Variants in SIRPA observed in about 807,000 individuals in gnomAD.
SIRPA encodes the protein signal regulatory protein alpha.
A neutral mutation model predicts 50.3 loss-of-function variants in SIRPA; 9 were observed. The ratio of observed to expected loss-of-function variants is 0.18; its 90% CI spans 0.11 to 0.31. SIRPA has a LOEUF of 0.31. SIRPA is among the 10% of genes least tolerant of loss of function. The pLI is 1.00. For missense variants in SIRPA, 474 were observed against 661.6 expected (o/e 0.72, Z 3.11); for synonymous variants, 265 against 284.1 (o/e 0.93, Z 0.68).
intron 1 of SIRPA, among the ~76,000 whole-genome samples, chr20:1,901,554 A>T (rs1310913710): frequency 6.6e-6 from 1 of 152,086 alleles, no homozygotes; most frequent in Non-Finnish European, 1.5e-5. Context: ...CCCATACTAG[A>T]GAAGGAAGCA....
chr20:1,915,927 A>G (rs1193167678), intron 2 of SIRPA, among the ~76,000 whole-genome samples: 2 of 152,238 alleles, frequency 1.3e-5, no homozygotes, highest in Non-Finnish European at 2.9e-5. Flanking sequence ...CACCCAGGGC[A>G]GGGAGCAGAG....
upstream of SIRPA, among the ~76,000 whole-genome samples, chr20:1,894,961 G>A (rs1983674973): frequency 1.4e-5 from 2 of 147,392 alleles, no homozygotes. The surrounding 1 kb of genome is among the most constrained non-coding windows in gnomAD (Gnocchi z 4.0). Flanking sequence ...AGCCCGGGCG[G>A]GGCAGGTGGG....
intron 1 of SIRPA, among the ~76,000 whole-genome samples, chr20:1,912,526 TG>T (rs1296914181): frequency 2.6e-4 from 40 of 152,252 alleles, no homozygotes; most frequent in Admixed American, 2.6e-3. Flanking sequence ...GGCAGGAGGT[TG>T]GAAACAGTCC....
At chr20:1,909,459 C>A (rs1984752574) in intron 1 of SIRPA, among the ~76,000 whole-genome samples, 1 of 152,162 alleles carries the variant, frequency 6.6e-6, no homozygotes, top group Admixed American at 6.5e-5. Flanking sequence ...AGCTTCAGTT[C>A]TAAGTTGATT....
chr20:1,903,521 A>G (rs759368268), intron 1 of SIRPA, among the ~76,000 whole-genome samples: 6 of 152,176 alleles, frequency 3.9e-5, no homozygotes, highest in African/African-American at 4.8e-5. Context: ...GAGTGAATCA[A>G]GTCATCTTTG....
At chr20:1,899,752 T>G (rs1033585004) in intron 1 of SIRPA, among the ~76,000 whole-genome samples, 1 of 152,190 alleles carries the variant, frequency 6.6e-6, no homozygotes, top group Non-Finnish European at 1.5e-5. Flanking sequence ...TGGGTGTTGA[T>G]CTGAGCCCTG....
rs1363734219 is a variant in SIRPA at position 1,895,480 on chromosome 20, C to G, written c.33C>G (p.Leu11=). Reference sequence around the variant, plus strand: ...CCGCCGGCCCGGCCCCCGGCCGCCTCGGGCCGCTGCTCTGCCTGCTGCTCG... The same window carrying G: ...CCGCCGGCCCGGCCCCCGGCCGCCTGGGGCCGCTGCTCTGCCTGCTGCTCG... MEPAGPAPGR[L]GPLLCLLLAA... is the part of the protein sequence containing the mutation. Residue 11 remains leucine, a synonymous_variant, in exon 1 of 8, where the codon CTC becomes CTG. Coordinates refer to ENST00000358771, the MANE Select transcript of SIRPA (RefSeq NM_001040023.2). 1.5e-5 allele frequency: 21 copies of G among 1,441,096 alleles called. 1 individual carries two copies. Among genetic ancestry groups the G allele is most frequent in the Non-Finnish European group, 9.1e-7 (1 of 1,102,480 alleles). 89.3% of individuals were successfully genotyped at this position (1,441,096 alleles called of 1,614,324 possible).
At position 1,922,567 on chromosome 20, in the gene SIRPA, G is replaced by A. The variant is rs756656814; in HGVS notation, c.1009G>A (p.Gly337Arg). 1.3e-5 allele frequency: 21 copies of A among 1,614,202 alleles called. No individual in the cohort carries two copies. The highest frequency in any genetic ancestry group is 4.0e-5 in the African/African-American group (3 of 75,068). The change falls in exon 4 of 8, where the codon GGG becomes AGG. Residue 337 changes from glycine to arginine, a missense_variant. Gly to Arg is a moderately radical substitution (Grantham distance 125). This residue lies in a region of SIRPA where 221 missense variants were observed against 359.9 expected (regional missense o/e 0.61). Transcript: ENST00000358771. ...GCTCACCTGCCAGGTGGAGCATGAC[G>A]GGCAGCCAGCGGTCAGCAAAAGCCA... Reference protein sequence around the residue: ...VKLTCQVEHDGQPAVSKSHDL... With the variant: ...VKLTCQVEHDRQPAVSKSHDL...
At position 1,934,659 on chromosome 20, in the gene SIRPA, C is replaced by A; in HGVS notation, c.1227-56C>A. On this transcript the variant is annotated intron_variant, in intron 6 of 7. Coordinates refer to ENST00000358771, the MANE Select transcript of SIRPA (RefSeq NM_001040023.2). The surrounding 1 kb of genome is among the most constrained non-coding windows in gnomAD (Gnocchi z 4.6). ...CCTAAATGTTATTCTTATCAGTTTGCATGAGCACTTGAGATAGTGAGGGTA... is the reference window on the plus strand; with the variant it reads ...CCTAAATGTTATTCTTATCAGTTTGAATGAGCACTTGAGATAGTGAGGGTA... 6.4e-7 allele frequency: 1 copy of A among 1,555,006 alleles called. No homozygotes were observed. The highest frequency in any genetic ancestry group is 1.4e-5 in the African/African-American group (1 of 73,800).
chr20:1,910,760 A>G (rs1984841839), intron 1 of SIRPA, among the ~76,000 whole-genome samples: 2 of 152,188 alleles, frequency 1.3e-5, no homozygotes, highest in Admixed American at 1.3e-4. Flanking sequence ...ACAATGCCCA[A>G]AGTAGGAGGG....
chr20:1,923,435 C>A (rs1237123102), intron 4 of SIRPA, among the ~76,000 whole-genome samples: 3 of 152,272 alleles, frequency 2.0e-5, no homozygotes, highest in Non-Finnish European at 4.4e-5. Flanking sequence ...CCTTCATGCA[C>A]CCTTCAGGGA....
intron 3 of SIRPA, 68 bp from the exon 4 acceptor site, chr20:1,922,245 C>A (rs1050069608): frequency 6.3e-7 from 1 of 1,596,692 alleles, no homozygotes; most frequent in African/African-American, 1.3e-5. Context: ...GGGGGAGCTA[C>A]GTTATGGAGC....
chr20:1,899,189 G>T (rs1984011376), intron 1 of SIRPA, among the ~76,000 whole-genome samples: 1 of 151,500 alleles, frequency 6.6e-6, no homozygotes, highest in South Asian at 2.1e-4. Flanking sequence ...ACTGTTGAGT[G>T]GGTCCAAGTT....
rs1181483063 is a variant in SIRPA at position 1,924,010 on chromosome 20, TTGG to T, written c.1088-752_1088-750del. Among the ~76,000 whole-genome samples the T allele has an allele frequency of 2.0e-5, 3 of 151,978 alleles. No homozygotes were observed. Among genetic ancestry groups the T allele is most frequent in the Non-Finnish European group, 1.5e-5 (1 of 67,936 alleles). ...GTTGGTTGGTTGGTTGGTTGGTTGG[TTGG>T]TTGGTTGGTTACATAATCCTTAGTT... On this transcript the variant is annotated intron_variant, in intron 4 of 7. Transcript: ENST00000358771. This position sits in a 1 kb window ranked among gnomAD's most constrained non-coding sequence, Gnocchi z 4.5.
chr20:1,937,298 T>C lies in SIRPA; in HGVS notation c.1267-22T>C. 6.2e-7 allele frequency: 1 copy of C among 1,604,796 alleles called. No homozygotes were observed. Among genetic ancestry groups the C allele is most frequent in the Non-Finnish European group, 8.5e-7 (1 of 1,173,196 alleles). Reference sequence around the variant, plus strand: ...ATAGAATGACCTTCTCATGACTTTCTCTTTGGGTATCTTAAATCCAGGACA... The same window carrying C: ...ATAGAATGACCTTCTCATGACTTTCCCTTTGGGTATCTTAAATCCAGGACA... On this transcript the variant is annotated intron_variant, in intron 7 of 7. Coordinates refer to ENST00000358771, the MANE Select transcript of SIRPA (RefSeq NM_001040023.2). This position sits in a 1 kb window ranked among gnomAD's most constrained non-coding sequence, Gnocchi z 8.3.
intron 1 of SIRPA, among the ~76,000 whole-genome samples, chr20:1,899,887 G>A (rs983715805): frequency 6.6e-6 from 1 of 152,216 alleles, no homozygotes. Context: ...TGGAAGCCAT[G>A]CCTTGTATGT....
At chr20:1,905,313 A>G (rs1984478818) in intron 1 of SIRPA, among the ~76,000 whole-genome samples, 1 of 152,190 alleles carries the variant, frequency 6.6e-6, no homozygotes, top group Non-Finnish European at 1.5e-5. Flanking sequence ...GACCTGTCAC[A>G]GGGAGAGGCG....
chr20:1,909,460 TAAGTTG>T (rs1984752732), intron 1 of SIRPA, among the ~76,000 whole-genome samples: 1 of 152,132 alleles, frequency 6.6e-6, no homozygotes, highest in Admixed American at 6.5e-5. Context: ...GCTTCAGTTC[TAAGTTG>T]ATTTTTTTTT....
Position 1,934,267 on chromosome 20 carries a change from A to C in SIRPA, c.1227-448A>C, listed in dbSNP as rs1168090128. 6.6e-6 allele frequency among the ~76,000 whole-genome samples: 1 copy of C among 152,178 alleles called. No individual in the cohort carries two copies. The highest frequency in any genetic ancestry group is 1.5e-5 in the Non-Finnish European group (1 of 68,028). ...TCCTCCCCCATCCAGCCCTTGACAA[A>C]TGCCTTTGTGTTGAAAGCTTTTTCT... On this transcript the variant is annotated intron_variant, in intron 6 of 7. Transcript: ENST00000358771. The surrounding 1 kb of genome is among the most constrained non-coding windows in gnomAD (Gnocchi z 4.6).
Sources: gnomAD v4.1 joint callset for allele counts (sites outside exome capture counted in the v4.1 genomes callset) on GRCh38, gnomAD v4.1.1 for gene constraint, gnomAD v4.1.1 regional missense constraint, Gnocchi (gnomAD v3.1) non-coding constraint, MANE v1.5 for transcripts, NCBI Gene and HGNC (gene_info 2026-07-23, HGNC 2026-07-21) for gene names.